RYR2: variants seen among roughly 807,000 people sequenced by gnomAD.
The protein encoded by RYR2 is cardiac muscle ryanodine receptor-calcium release channel.
In RYR2, 227 loss-of-function variants were observed where a neutral mutation model predicts 601.1. That is an observed-to-expected ratio of 0.38 (90% confidence interval 0.34 to 0.42). The LOEUF (loss-of-function observed/expected upper bound fraction) is 0.42, where lower values mean the gene tolerates loss of function less well. Ranked by LOEUF, RYR2 falls within the 10% of genes least tolerant of loss-of-function variation. The pLI is 1.00. For missense variants in RYR2, 4,646 were observed against 6,156.5 expected, an observed-to-expected ratio of 0.75 and a Z score of 8.21; for synonymous variants, 2,223 against 2,175.1, an observed-to-expected ratio of 1.02 and a Z score of -0.61.
chr1:237,434,189 CTT>C (rs1054701169), intron 12 of RYR2, among the ~76,000 whole-genome samples: 1 of 152,110 alleles, frequency 6.6e-6, no homozygotes, highest in African/African-American at 2.4e-5. Context: ...ATCATTTTAA[CTT>C]TAGATTTTAA....
At chr1:237,232,789 G>A (rs1021486710) in intron 1 of RYR2, among the ~76,000 whole-genome samples, 10 of 152,304 alleles carry the variant, frequency 6.6e-5, no homozygotes, top group South Asian at 4.1e-4. Context: ...ACCAGCTGGT[G>A]TCTGCTGCAG....
chr1:237,285,632 C>T (rs760944941), intron 2 of RYR2, among the ~76,000 whole-genome samples: 3 of 152,056 alleles, frequency 2.0e-5, no homozygotes, highest in Admixed American at 6.6e-5. Flanking sequence ...TGGTAGAATT[C>T]GGCAGTGAAT....
Position 237,708,970 on chromosome 1 carries a change from C to T in RYR2, c.10014C>T (p.Asp3338=), listed in dbSNP as rs750010771. The T allele has an allele frequency of 6.2e-7, 1 of 1,613,606 alleles. No individual in the cohort carries two copies. The highest frequency in any genetic ancestry group is 1.3e-5 in the African/African-American group (1 of 74,908). Reference sequence around the variant, plus strand: ...CAGCTACGGTGGTGTCTGAGGAAGACCACCTGAAAGCTGAGGCCAGGGGGG... The same window carrying T: ...CAGCTACGGTGGTGTCTGAGGAAGATCACCTGAAAGCTGAGGCCAGGGGGG... The part of the protein sequence containing the change: ...KKAATVVSEE[D]HLKAEARGDM... Residue 3338 remains aspartate, a synonymous_variant, in exon 69 of 105, where the codon GAC becomes GAT. Coordinates refer to ENST00000366574, the MANE Select transcript of RYR2 (RefSeq NM_001035.3).
intron 91 of RYR2, among the ~76,000 whole-genome samples, chr1:237,787,630 A>C (rs1372202542): frequency 6.6e-6 from 1 of 150,708 alleles, no homozygotes; most frequent in Admixed American, 6.6e-5. Context: ...GATTGAAATT[A>C]TAATTTAAAA....
intron 27 of RYR2, among the ~76,000 whole-genome samples, chr1:237,558,063 G>T (rs1237184229): frequency 6.6e-6 from 1 of 152,186 alleles, no homozygotes; most frequent in Non-Finnish European, 1.5e-5. Flanking sequence ...TGAAAGTACA[G>T]TAAGAGGAGC....
chr1:237,113,962 C>T (rs982958348), intron 1 of RYR2, among the ~76,000 whole-genome samples: 5 of 152,218 alleles, frequency 3.3e-5, no homozygotes, highest in African/African-American at 9.6e-5. Context: ...GACATGACGT[C>T]GCTCCAACAT....
At chr1:237,674,266 A>G in intron 59 of RYR2, 47 bp downstream of exon 59, 2 of 1,380,302 alleles carry the variant, frequency 1.4e-6, no homozygotes, top group Non-Finnish European at 1.0e-6. Flanking sequence ...ACAAGAGTGA[A>G]TATTTAAATA....
intron 1 of RYR2, among the ~76,000 whole-genome samples, chr1:237,222,983 C>T (rs574645841): frequency 1.3e-5 from 2 of 152,210 alleles, no homozygotes; most frequent in South Asian, 2.1e-4. Flanking sequence ...GCAGGAGAAT[C>T]GCTTGAACCC....
intron 1 of RYR2, among the ~76,000 whole-genome samples, chr1:237,165,644 G>C (rs567958108): frequency 6.6e-6 from 1 of 152,110 alleles, no homozygotes; most frequent in Non-Finnish European, 1.5e-5. Flanking sequence ...TAGAAGGACG[G>C]GTTGAGACCA....
At chr1:237,727,595 T>C (rs1049078404) in intron 76 of RYR2, among the ~76,000 whole-genome samples, 4 of 152,162 alleles carry the variant, frequency 2.6e-5, no homozygotes, top group Admixed American at 6.5e-5. Context: ...TTTTCTCATC[T>C]GTATCATAAT....
intron 13 of RYR2, among the ~76,000 whole-genome samples, chr1:237,443,745 T>C (rs538374562): frequency 6.6e-6 from 1 of 152,310 alleles, no homozygotes; most frequent in East Asian, 1.9e-4. Context: ...TGGTCTTTTT[T>C]TCAACCATTT....
intron 29 of RYR2, among the ~76,000 whole-genome samples, chr1:237,577,500 C>CTG (rs763937941): frequency 0.091 from 10,232 of 112,862 alleles, 404 homozygotes; most frequent in Admixed American, 0.1. Context: ...GTGTGTGTTT[C>CTG]TGTGTGTGTG....
At chr1:237,043,200 C>T (rs1660139910) in intron 1 of RYR2, among the ~76,000 whole-genome samples, 1 of 152,174 alleles carries the variant, frequency 6.6e-6, no homozygotes, top group Non-Finnish European at 1.5e-5. Context: ...GAGTCGCCTC[C>T]GTGGTCCCCG....
In RYR2 at chr1:237,217,499, A is replaced by G. The variant is rs575008495; in HGVS notation, c.49-52998A>G. Among the ~76,000 whole-genome samples the G allele has an allele frequency of 9.2e-5, 14 of 152,276 alleles. No homozygotes were observed. In the East Asian group the frequency reaches 2.5e-3, roughly 27 times the overall value. On this transcript the variant is annotated intron_variant, in intron 1 of 104. Transcript: ENST00000366574. ...GAATCTTGACTGCACATCGCATAAC[A>G]GCTGTGTGACCCCAGACTTCTTTTC...
intron 1 of RYR2, among the ~76,000 whole-genome samples, chr1:237,101,297 G>GT (rs1276044766): frequency 3.5e-5 from 2 of 57,812 alleles, no homozygotes; most frequent in African/African-American, 1.0e-4. Context: ...CTTTTTAGAA[G>GT]TTAAAAAAAA....
chr1:237,121,481 A>C (rs1670771840), intron 1 of RYR2, among the ~76,000 whole-genome samples: 3 of 152,244 alleles, frequency 2.0e-5, no homozygotes, highest in Non-Finnish European at 4.4e-5. Context: ...GATAATTTCC[A>C]AGAAAAGTTA....
chr1:237,545,824 C>T (rs1669741324), intron 25 of RYR2, among the ~76,000 whole-genome samples: 1 of 151,522 alleles, frequency 6.6e-6, no homozygotes, highest in Non-Finnish European at 1.5e-5. Context: ...ATTTGGGAGG[C>T]TGAGGCAGGA....
chr1:237,785,221 C>A (rs181129363), intron 90 of RYR2, among the ~76,000 whole-genome samples: 2 of 152,134 alleles, frequency 1.3e-5, no homozygotes, highest in South Asian at 2.1e-4. Flanking sequence ...TCTTTCTCCA[C>A]GTTTATATAA....
chr1:237,294,104 C>G (rs1045388680), intron 2 of RYR2, among the ~76,000 whole-genome samples: 1 of 152,272 alleles, frequency 6.6e-6, no homozygotes, highest in African/African-American at 2.4e-5. Flanking sequence ...AGCTCTGTGT[C>G]AGGAACTAGG....
Sources: allele counts gnomAD v4.1 joint callset (sites outside exome capture counted in the v4.1 genomes callset), GRCh38; gene constraint gnomAD v4.1.1; transcripts MANE v1.5; gene names NCBI Gene and HGNC (gene_info 2026-07-23, HGNC 2026-07-21).